The following EPB41L4A variants were observed in gnomAD, a reference collection of about 807,000 sequenced individuals.
The protein encoded by EPB41L4A is erythrocyte membrane protein band 4.1 like 4A.
Under a neutral mutation model 108.6 loss-of-function variants are expected in EPB41L4A, and 100 were observed. The observed-to-expected ratio is 0.92, with a 90% CI of 0.78 to 1.09. The LOEUF (loss-of-function observed/expected upper bound fraction) is 1.09, where lower values mean the gene tolerates loss of function less well. EPB41L4A is among the 50% of genes least tolerant of loss of function. EPB41L4A has a pLI of 0.00. For synonymous variants in EPB41L4A, 319 were observed against 289.0 expected (o/e 1.10, Z -1.05); for missense variants, 1,030 against 842.7 (o/e 1.22, Z -2.75).
chr5:112,218,212 A>C (rs920397622), intron 12 of EPB41L4A, among the ~76,000 whole-genome samples: 1 of 152,184 alleles, frequency 6.6e-6, no homozygotes, highest in South Asian at 2.1e-4. Context: ...AGAGACTTCT[A>C]TCTGAAGATT....
At chr5:112,336,750 G>A (rs1050205730) in intron 1 of EPB41L4A, among the ~76,000 whole-genome samples, 3 of 152,208 alleles carry the variant, frequency 2.0e-5, no homozygotes, top group Non-Finnish European at 4.4e-5. Context: ...AAGCTAGAAA[G>A]AGAAGATTTT....
At chr5:112,142,032 A>G (rs190720514), downstream of EPB41L4A, among the ~76,000 whole-genome samples, 6 of 152,290 alleles carry the variant, frequency 3.9e-5, no homozygotes, top group Admixed American at 2.0e-4. Context: ...TAGAAGCACA[A>G]TGTGGGGCAT....
chr5:112,308,213 T>C (rs1391799366), intron 1 of EPB41L4A, among the ~76,000 whole-genome samples: 1 of 152,172 alleles, frequency 6.6e-6, no homozygotes, highest in Admixed American at 6.5e-5. Context: ...GAAACACTTG[T>C]ATAGATACAG....
intron 1 of EPB41L4A, among the ~76,000 whole-genome samples, chr5:112,372,975 T>C (rs1759587201): frequency 6.6e-6 from 1 of 152,212 alleles, no homozygotes; most frequent in Non-Finnish European, 1.5e-5. Context: ...ATACGTGACA[T>C]ATGACACTAA....
intron 12 of EPB41L4A, among the ~76,000 whole-genome samples, chr5:112,217,091 C>T (rs963228067): frequency 6.6e-6 from 1 of 151,762 alleles, no homozygotes; most frequent in Non-Finnish European, 1.5e-5. Context: ...ATTACAGGCA[C>T]CCACCATCAT....
chr5:112,309,691 CA>C (rs1360233340), intron 1 of EPB41L4A, among the ~76,000 whole-genome samples: 1 of 152,170 alleles, frequency 6.6e-6, no homozygotes, highest in African/African-American at 2.4e-5. Flanking sequence ...CTATATGGCA[CA>C]GTTGACGTTA....
chr5:112,283,293 G>T (rs1459165259), intron 2 of EPB41L4A, among the ~76,000 whole-genome samples: 1 of 152,144 alleles, frequency 6.6e-6, no homozygotes, highest in Non-Finnish European at 1.5e-5. Flanking sequence ...GGGTTACAGA[G>T]GTCAGACAAT....
At chr5:112,189,114 T>C (rs1761565077) in intron 17 of EPB41L4A, among the ~76,000 whole-genome samples, 1 of 152,220 alleles carries the variant, frequency 6.6e-6, no homozygotes, top group Admixed American at 6.5e-5. Flanking sequence ...CCAATGTTGT[T>C]AGGGAGAAAC....
intron 1 of EPB41L4A, among the ~76,000 whole-genome samples, chr5:112,412,096 C>T (rs918660033): frequency 6.6e-6 from 1 of 152,226 alleles, no homozygotes; most frequent in African/African-American, 2.4e-5. Context: ...CAATACACTG[C>T]AGCACATGGT....
chr5:112,386,654 T>A (rs1195026421), intron 1 of EPB41L4A, among the ~76,000 whole-genome samples: 2 of 152,190 alleles, frequency 1.3e-5, no homozygotes, highest in East Asian at 3.8e-4. Context: ...TTTAAATGAA[T>A]CGATTGTATC....
At chr5:112,194,316 T>A (rs1437304829) in intron 17 of EPB41L4A, among the ~76,000 whole-genome samples, 1 of 150,782 alleles carries the variant, frequency 6.6e-6, no homozygotes, top group Non-Finnish European at 1.5e-5. Flanking sequence ...ATATACAGAA[T>A]CATCTTTTAA....
intron 9 of EPB41L4A, among the ~76,000 whole-genome samples, chr5:112,243,288 TA>T (rs147823110): frequency 0.3 from 44,566 of 150,004 alleles, 7,308 homozygotes; most frequent in Non-Finnish European, 0.37. Context: ...TATATATATA[TA>T]TATTTTGTTT....
rs1463656703 is a variant in EPB41L4A at position 112,219,208 on chromosome 5, C to T, written c.1088-9226G>A. ...ATTGTAATCCCCATAATCCCCACGT[C>T]GTCGTGGGAGGGAGCCAGTGGGAGG... On this transcript the variant is annotated intron_variant, in intron 12 of 22. Transcript: ENST00000261486. Among the ~76,000 whole-genome samples, 6 of 152,184 alleles carry T rather than the reference C, an allele frequency of 3.9e-5. No homozygotes were observed. The East Asian group carries it at 1.2e-3, about 29-fold the overall frequency.
intron 1 of EPB41L4A, among the ~76,000 whole-genome samples, chr5:112,378,833 A>G (rs1188358781): frequency 6.6e-6 from 1 of 152,218 alleles, no homozygotes; most frequent in Non-Finnish European, 1.5e-5. Flanking sequence ...GGCTGTTTGA[A>G]TGGCTGGTAG....
intron 1 of EPB41L4A, among the ~76,000 whole-genome samples, chr5:112,380,783 T>TCA (rs1369682818): frequency 0.02 from 2,404 of 120,128 alleles, 78 homozygotes; most frequent in African/African-American, 0.07. Context: ...CCTCTGCACA[T>TCA]CACACACATA....
intron 17 of EPB41L4A, among the ~76,000 whole-genome samples, chr5:112,190,287 T>C (rs964133869): frequency 2.4e-4 from 36 of 152,274 alleles, no homozygotes; most frequent in African/African-American, 8.2e-4. Context: ...ACTATTTAGA[T>C]GATAAAACTT....
chr5:112,307,273 CAA>C (rs1230307034), intron 2 of EPB41L4A, 111 bp downstream of exon 2: 6 of 648,494 alleles, frequency 9.3e-6, no homozygotes, highest in African/African-American at 7.3e-5. Context: ...TTGAGATTTT[CAA>C]AGTCTTTTTC....
intron 1 of EPB41L4A, among the ~76,000 whole-genome samples, chr5:112,386,054 A>G (rs1183287179): frequency 2.0e-5 from 3 of 152,244 alleles, no homozygotes; most frequent in Non-Finnish European, 2.9e-5. Context: ...ATTAAGCCCT[A>G]GCATTCTATC....
intron 17 of EPB41L4A, among the ~76,000 whole-genome samples, chr5:112,193,761 A>G (rs1246267212): frequency 6.6e-6 from 1 of 152,248 alleles, no homozygotes; most frequent in Non-Finnish European, 1.5e-5. Flanking sequence ...GCATCGCACG[A>G]TGTTTAGCAG....
Sources: allele counts gnomAD v4.1 joint callset (sites outside exome capture counted in the v4.1 genomes callset), GRCh38; gene constraint gnomAD v4.1.1; transcripts MANE v1.5; gene names NCBI Gene and HGNC (gene_info 2026-07-23, HGNC 2026-07-21).